ERCC6: variants seen among roughly 807,000 people sequenced by gnomAD.
ERCC6 encodes DNA excision repair protein ERCC-6.
ERCC6 carries 116 observed loss-of-function variants against 158.7 expected under a neutral mutation model. The observed-to-expected ratio is 0.73, with a 90% CI of 0.63 to 0.85. The LOEUF (loss-of-function observed/expected upper bound fraction) is 0.85, where lower values mean the gene tolerates loss of function less well. Ranked by LOEUF, ERCC6 falls within the 40% of genes least tolerant of loss-of-function variation. ERCC6 has a pLI of 0.00. For missense variants in ERCC6, 1,698 were observed against 1,799.4 expected, an observed-to-expected ratio of 0.94 and a Z score of 1.02; for synonymous variants, 678 against 659.3, an observed-to-expected ratio of 1.03 and a Z score of -0.43.
intron 18 of ERCC6, among the ~76,000 whole-genome samples, chr10:49,469,821 T>C (rs982682331): frequency 1.1e-4 from 16 of 152,206 alleles, no homozygotes; most frequent in African/African-American, 3.9e-4. Context: ...CTTGTCCCTC[T>C]CCCTTATGAT....
chr10:49,532,468 A>G (rs1837490925), intron 2 of ERCC6, 75 bp downstream of exon 2: 5 of 1,596,296 alleles, frequency 3.1e-6, no homozygotes, highest in Non-Finnish European at 3.4e-6. Context: ...CTGGAATACT[A>G]GAGCTTTCCA....
chr10:49,515,896 C>T, intron 5 of ERCC6: 1 of 1,614,164 alleles, frequency 6.2e-7, no homozygotes, highest in Non-Finnish European at 8.5e-7. Flanking sequence ...ACAATATTGC[C>T]TTTGCCATCA....
chr10:49,526,152 T>C (rs1837333283), intron 4 of ERCC6, among the ~76,000 whole-genome samples: 1 of 128,048 alleles, frequency 7.8e-6, no homozygotes, highest in Admixed American at 7.9e-5. Context: ...TATATATATA[T>C]ATATATATAT....
the ERCC6 span, among the ~76,000 whole-genome samples, chr10:49,440,603 T>C: frequency 6.6e-6 from 1 of 152,198 alleles, no homozygotes; most frequent in Non-Finnish European, 1.5e-5. Context: ...CTGAGACAAA[T>C]TTTGCTTAAT....
chr10:49,512,346 T>C lies in ERCC6; in HGVS notation c.1398-6334A>G, dbSNP rs116263349. On this transcript the variant is annotated intron_variant, in intron 5 of 20. Coordinates refer to ENST00000355832, the MANE Select transcript of ERCC6 (RefSeq NM_000124.4). ...CTCAGAATACAACTGTGAGAAACCA[T>C]ACTGCAATCCTGACCTACCTACACT... Among the ~76,000 whole-genome samples the C allele has an allele frequency of 3.4e-3, 514 of 152,280 alleles. 2 individuals carry two copies. The highest frequency in any genetic ancestry group is 0.012 in the African/African-American group (490 of 41,562).
intron 6 of ERCC6, chr10:49,501,283 T>G (rs896678728): frequency 8.5e-5 from 13 of 153,734 alleles, no homozygotes; most frequent in African/African-American, 3.1e-4. Flanking sequence ...AACAGATGAT[T>G]CTGTCATATT....
chr10:49,483,314 T>C lies in ERCC6; in HGVS notation c.1992+32A>G, dbSNP rs4253162. On this transcript the variant is annotated intron_variant, in intron 9 of 20. Transcript: ENST00000355832. ...TTCTGAATTAATTATTCTTCTCCACTTGGAAATCTCCCTTGTTAAAAGAGG... is the reference window on the plus strand; with the variant it reads ...TTCTGAATTAATTATTCTTCTCCACCTGGAAATCTCCCTTGTTAAAAGAGG... 0.9 allele frequency: 1,452,289 copies of C among 1,607,482 alleles called. 657,672 individuals carry two copies. Among genetic ancestry groups the C allele is most frequent in the East Asian group, 1 (44,813 of 44,834 alleles).
In ERCC6 at chr10:49,524,284, C is replaced by T. The variant is rs4253045; in HGVS notation, c.1146G>A (p.Glu382=). The T allele has an allele frequency of 1.5e-3, 2,374 of 1,613,994 alleles. 22 individuals carry two copies. In the African/African-American group the frequency reaches 0.021, roughly 14 times the overall value. ...CCCCCTCCACCTCGTCATCTTCCTC[C>T]TCTTCCTCCTCCTCTGTGGGGAAAT... ...SEYFPTEEEE[E]EEDDEVEGAE... Residue 382 remains glutamate (E), a synonymous_variant, in exon 5 of 21, where the codon GAG becomes GAA. Transcript: ENST00000355832.
chr10:49,435,409 A>T, the ERCC6 span, among the ~76,000 whole-genome samples: 4 of 152,338 alleles, frequency 2.6e-5, no homozygotes, highest in South Asian at 8.3e-4. Flanking sequence ...GCACATTCTG[A>T]TCAGTTGCTA....
intron 1 of ERCC6, among the ~76,000 whole-genome samples, chr10:49,535,731 G>C (rs1837581081): frequency 6.6e-6 from 1 of 152,150 alleles, no homozygotes; most frequent in Non-Finnish European, 1.5e-5. Flanking sequence ...AAAGAAGTTT[G>C]GGGAAAACTT....
chr10:49,529,509 G>A (rs1382899758), intron 3 of ERCC6, among the ~76,000 whole-genome samples: 1 of 152,210 alleles, frequency 6.6e-6, no homozygotes, highest in Non-Finnish European at 1.5e-5. Context: ...TCCCACAAGA[G>A]ACCAGATGTC....
chr10:49,452,963 T>C (rs1159021305), downstream of ERCC6, among the ~76,000 whole-genome samples: 2 of 152,162 alleles, frequency 1.3e-5, no homozygotes, highest in Admixed American at 6.5e-5. Flanking sequence ...CTAAAGTGTG[T>C]TATCTATGGG....
chr10:49,529,823 A>AG (rs1837427676), intron 3 of ERCC6, among the ~76,000 whole-genome samples: 2 of 152,222 alleles, frequency 1.3e-5, no homozygotes, highest in Admixed American at 1.3e-4. Flanking sequence ...ATTTTCACAA[A>AG]GGGGTACATA....
intron 11 of ERCC6, among the ~76,000 whole-genome samples, chr10:49,477,566 C>T (rs573984754): frequency 6.6e-6 from 1 of 152,264 alleles, no homozygotes; most frequent in Admixed American, 6.5e-5. Flanking sequence ...CACACTGGGT[C>T]CTTTCCAGGT....
chr10:49,447,957 C>T, the ERCC6 span, among the ~76,000 whole-genome samples: 1 of 152,202 alleles, frequency 6.6e-6, no homozygotes, highest in Admixed American at 6.5e-5. Context: ...GACGCTTCAA[C>T]TGTGTCCACA....
At chr10:49,474,538 A>C (rs1850840838) in intron 12 of ERCC6, among the ~76,000 whole-genome samples, 1 of 152,230 alleles carries the variant, frequency 6.6e-6, no homozygotes, top group South Asian at 2.1e-4. Flanking sequence ...AAAGGTATGC[A>C]GTTCACGGTA....
rs998848034 is a variant in ERCC6, at chr10:49,457,742, T to C, written c.*1073A>G. 1 of 152,124 alleles carries C rather than the reference T, an allele frequency of 6.6e-6. No homozygotes were observed. Among genetic ancestry groups the C allele is most frequent in the African/African-American group, 2.4e-5 (1 of 41,418 alleles). The allele number at this position is 152,124 out of a possible 1,614,324, so 9.4% of individuals were successfully genotyped here. A position where few individuals can be genotyped will look rare whatever the true frequency, so the allele number is the denominator to read the frequency against. ...AAACAACACTTCAAAGATGAGATGATAAAATCATCCTGAGAAGGAAACAAG... is the reference window on the plus strand; with the variant it reads ...AAACAACACTTCAAAGATGAGATGACAAAATCATCCTGAGAAGGAAACAAG... On this transcript the variant is annotated 3_prime_UTR_variant, in exon 21 of 21. Transcript: ENST00000355832.
At chr10:49,462,864 A>T (rs542122843) in intron 18 of ERCC6, among the ~76,000 whole-genome samples, 1 of 152,230 alleles carries the variant, frequency 6.6e-6, no homozygotes, top group Non-Finnish European at 1.5e-5. Context: ...TGACAATTCA[A>T]ATTGATCTAA....
chr10:49,441,707 A>T, the ERCC6 span, among the ~76,000 whole-genome samples: 137,949 of 152,244 alleles, frequency 0.91, 62,554 homozygotes, highest in East Asian at 1. Flanking sequence ...GCAGCCAGGG[A>T]GCTCGGGTGG....
Sources: gnomAD v4.1 joint callset for allele counts (sites outside exome capture counted in the v4.1 genomes callset) on GRCh38, gnomAD v4.1.1 for gene constraint, MANE v1.5 for transcripts, NCBI Gene and HGNC (gene_info 2026-07-23, HGNC 2026-07-21) for gene names.